FGF14: variants seen among roughly 807,000 people sequenced by gnomAD.
FGF14 encodes the protein fibroblast growth factor 14.
A neutral mutation model predicts 25.5 loss-of-function variants in FGF14; 5 were observed. The ratio of observed to expected loss-of-function variants is 0.20; its 90% CI spans 0.10 to 0.41. FGF14 has a LOEUF of 0.41. Ranked by LOEUF, FGF14 falls within the 10% of genes least tolerant of loss-of-function variation. The pLI, the probability that FGF14 is intolerant of heterozygous loss-of-function variation, is 1.00. For synonymous variants in FGF14, 138 were observed against 118.3 expected, an observed-to-expected ratio of 1.17 and a Z score of -1.08; for missense variants, 222 against 320.1, an observed-to-expected ratio of 0.69 and a Z score of 2.34.
At chr13:102,059,824 C>T (rs113117526) in intron 1 of FGF14, among the ~76,000 whole-genome samples, 292 of 150,780 alleles carry the variant, frequency 1.9e-3, no homozygotes, top group Non-Finnish European at 3.2e-3. Context: ...GCACTCCAGC[C>T]TGGGTGACAG....
intron 3 of FGF14, among the ~76,000 whole-genome samples, chr13:101,808,832 G>C (rs1054404571): frequency 6.6e-6 from 1 of 152,074 alleles, no homozygotes; most frequent in African/African-American, 2.4e-5. Flanking sequence ...ATGTTACTTT[G>C]AAATACTTTA....
intron 3 of FGF14, among the ~76,000 whole-genome samples, chr13:101,802,653 C>T (rs897287520): frequency 5.3e-5 from 8 of 152,168 alleles, no homozygotes; most frequent in Non-Finnish European, 1.2e-4. Flanking sequence ...CATCCTGAAA[C>T]TGTATCAAAA....
intron 1 of FGF14, among the ~76,000 whole-genome samples, chr13:102,356,675 TGAATC>T (rs1231897228): frequency 6.6e-6 from 1 of 152,168 alleles, no homozygotes; most frequent in Non-Finnish European, 1.5e-5. Flanking sequence ...ACTGTCCCAT[TGAATC>T]ACACAACTGG....
intron 1 of FGF14, among the ~76,000 whole-genome samples, chr13:102,071,474 A>G (rs566550513): frequency 1.8e-4 from 28 of 152,128 alleles, no homozygotes; most frequent in African/African-American, 6.7e-4. Flanking sequence ...CCTGTTTACT[A>G]TTTGTTTTAC....
chr13:102,284,649 C>T (rs2141231234), intron 1 of FGF14, among the ~76,000 whole-genome samples: 1 of 151,922 alleles, frequency 6.6e-6, no homozygotes, highest in South Asian at 2.1e-4. Flanking sequence ...GCATTAAGTA[C>T]AAGTACAGAA....
At chr13:101,826,671 A>T (rs2042406660) in intron 3 of FGF14, among the ~76,000 whole-genome samples, 1 of 152,100 alleles carries the variant, frequency 6.6e-6, no homozygotes, top group South Asian at 2.1e-4. Flanking sequence ...AAAATGGTGT[A>T]CATAATTTGA....
chr13:101,786,454 A>AAAAGTCTAAGGTCTAAG (rs544525228), intron 3 of FGF14, among the ~76,000 whole-genome samples: 1 of 152,154 alleles, frequency 6.6e-6, no homozygotes, highest in Non-Finnish European at 1.5e-5. Flanking sequence ...CACAGTCTAA[A>AAAAGTCTAAGGTCTAAG]AAAGTCTAAG....
chr13:101,743,454 A>G (rs1001083942), intron 3 of FGF14, among the ~76,000 whole-genome samples: 2 of 152,176 alleles, frequency 1.3e-5, no homozygotes, highest in Non-Finnish European at 2.9e-5. Flanking sequence ...GCTTTATTGG[A>G]AGATGCTATG....
In FGF14 at chr13:101,721,345, A is replaced by T. The variant is rs531142211; in HGVS notation, c.*1486T>A. 2 of 152,164 alleles carry T rather than the reference A, an allele frequency of 1.3e-5. No individual in the cohort carries two copies. Among genetic ancestry groups the T allele is most frequent in the Non-Finnish European group, 2.9e-5 (2 of 68,030 alleles). 9.4% of individuals were successfully genotyped at this position (152,164 alleles called of 1,614,324 possible). Reference sequence around the variant, plus strand: ...GTAGTTGTCTTCCCTAAGCTCAAACAAACAGTGTTAAACTAAAAAGGAAAT... The same window carrying T: ...GTAGTTGTCTTCCCTAAGCTCAAACTAACAGTGTTAAACTAAAAAGGAAAT... On this transcript the variant is annotated 3_prime_UTR_variant, in exon 5 of 5. Transcript: ENST00000376143.
At chr13:102,075,015 A>G (rs1462855476) in intron 1 of FGF14, among the ~76,000 whole-genome samples, 1 of 152,232 alleles carries the variant, frequency 6.6e-6, no homozygotes, top group African/African-American at 2.4e-5. Context: ...GATCAGGAAC[A>G]AGACAATGAT....
chr13:101,878,203 T>C (rs2045504644), intron 1 of FGF14, among the ~76,000 whole-genome samples: 1 of 152,204 alleles, frequency 6.6e-6, no homozygotes, highest in Non-Finnish European at 1.5e-5. Context: ...ATCTATCCTG[T>C]TCCCTTAACC....
chr13:102,052,804 G>T (rs2042272578), intron 1 of FGF14, among the ~76,000 whole-genome samples: 2 of 152,060 alleles, frequency 1.3e-5, no homozygotes, highest in African/African-American at 4.8e-5. Flanking sequence ...GCTGAAAGAA[G>T]AAGATGCTAA....
chr13:101,941,943 A>G (rs983419002), intron 1 of FGF14, among the ~76,000 whole-genome samples: 3 of 152,182 alleles, frequency 2.0e-5, no homozygotes, highest in African/African-American at 4.8e-5. Context: ...CTTAGTTTGT[A>G]AAACTATATG....
chr13:101,821,678 TG>T (rs2042164254), intron 3 of FGF14, among the ~76,000 whole-genome samples: 2 of 152,228 alleles, frequency 1.3e-5, no homozygotes, highest in Admixed American at 1.3e-4. Flanking sequence ...GAGTTCTTTC[TG>T]TTCTACAACA....
chr13:101,979,467 A>G (rs2139598468), intron 1 of FGF14, among the ~76,000 whole-genome samples: 1 of 152,264 alleles, frequency 6.6e-6, no homozygotes, highest in Non-Finnish European at 1.5e-5. Context: ...TATTAGCCCT[A>G]TTTTACAGAA....
chr13:102,050,749 GA>G (rs1412435889), intron 1 of FGF14, among the ~76,000 whole-genome samples: 1 of 152,082 alleles, frequency 6.6e-6, no homozygotes, highest in African/African-American at 2.4e-5. Context: ...AAGGGCTCAT[GA>G]AAAAATTGGC....
intron 1 of FGF14, among the ~76,000 whole-genome samples, chr13:101,881,327 A>G (rs2045698301): frequency 6.6e-6 from 1 of 152,210 alleles, no homozygotes; most frequent in Non-Finnish European, 1.5e-5. Flanking sequence ...TTAGAAACAC[A>G]TTGGAGCTCT....
At chr13:101,779,343 A>T (rs570275302) in intron 3 of FGF14, among the ~76,000 whole-genome samples, 3 of 152,188 alleles carry the variant, frequency 2.0e-5, no homozygotes, top group Non-Finnish European at 4.4e-5. Context: ...TAACAACAAT[A>T]CACGTTTCTT....
chr13:101,854,049 T>A (rs1001780770), intron 3 of FGF14, among the ~76,000 whole-genome samples: 2 of 152,110 alleles, frequency 1.3e-5, no homozygotes, highest in South Asian at 2.1e-4. Flanking sequence ...CTATCTATTC[T>A]ACATTGCAGT....
Sources: allele counts gnomAD v4.1 joint callset (sites outside exome capture counted in the v4.1 genomes callset), GRCh38; gene constraint gnomAD v4.1.1; transcripts MANE v1.5; gene names NCBI Gene and HGNC (gene_info 2026-07-23, HGNC 2026-07-21).